The following UNC5C variants were observed in gnomAD, a reference collection of about 807,000 sequenced individuals.
UNC5C encodes unc-5 netrin receptor C.
Under a neutral mutation model 99.8 loss-of-function variants are expected in UNC5C, and 47 were observed. The observed-to-expected ratio is 0.47, with a 90% CI of 0.37 to 0.60. The LOEUF is 0.60. Among genes scored for constraint, UNC5C ranks in the 20% least tolerant of loss-of-function variants. The pLI, the probability that UNC5C is intolerant of heterozygous loss-of-function variation, is 0.00. For missense variants in UNC5C, 1,062 were observed against 1,165.9 expected (o/e 0.91, Z 1.30); for synonymous variants, 487 against 452.2 (o/e 1.08, Z -0.98).
chr4:95,180,662 C>CTCTG (rs1209260388), intron 14 of UNC5C, among the ~76,000 whole-genome samples: 1 of 152,206 alleles, frequency 6.6e-6, no homozygotes, highest in African/African-American at 2.4e-5. Context: ...GCAACAGGTC[C>CTCTG]TCTGTCTGAC....
chr4:95,487,497 A>C (rs17024049), intron 1 of UNC5C, among the ~76,000 whole-genome samples: 4,146 of 138,008 alleles, frequency 0.03, 186 homozygotes, highest in African/African-American at 0.1. Flanking sequence ...CTATAAAATC[A>C]TCAATCAAAA....
At chr4:95,324,799 G>A (rs1742828661) in intron 2 of UNC5C, among the ~76,000 whole-genome samples, 1 of 152,146 alleles carries the variant, frequency 6.6e-6, no homozygotes, top group African/African-American at 2.4e-5. Flanking sequence ...CCATCTAGAA[G>A]GAAGCAGGCC....
In UNC5C at chr4:95,393,863, T is replaced by A. The variant is rs866359440; in HGVS notation, c.125-58232A>T. On this transcript the variant is annotated intron_variant, in intron 1 of 15. Transcript: ENST00000453304. ...ATACAATCTACTGTTTTTTTTTTTT[T>A]AAAAAAAAACAGATTGCTATAAATC... Among the ~76,000 whole-genome samples the A allele has an allele frequency of 3.8e-3, 562 of 146,330 alleles. 3 individuals carry two copies. The highest frequency in any genetic ancestry group is 9.7e-3 in the African/African-American group (390 of 40,240).
intron 7 of UNC5C, among the ~76,000 whole-genome samples, chr4:95,233,648 AAGTT>A (rs760128550): frequency 6.6e-6 from 1 of 152,208 alleles, no homozygotes; most frequent in Non-Finnish European, 1.5e-5. Flanking sequence ...AAGATTATAA[AAGTT>A]AGGCCCCATG....
chr4:95,464,262 A>T (rs1351794271), intron 1 of UNC5C, among the ~76,000 whole-genome samples: 1 of 152,202 alleles, frequency 6.6e-6, no homozygotes, highest in Non-Finnish European at 1.5e-5. Context: ...GTGAAGGCTA[A>T]GTTGGCATGC....
At chr4:95,262,341 C>G (rs766358138) in intron 4 of UNC5C, among the ~76,000 whole-genome samples, 1 of 152,122 alleles carries the variant, frequency 6.6e-6, no homozygotes, top group East Asian at 1.9e-4. Flanking sequence ...GGAAGACGTG[C>G]AGAGTTGAGG....
At chr4:95,315,529 A>G (rs1258849339) in intron 2 of UNC5C, among the ~76,000 whole-genome samples, 1 of 152,184 alleles carries the variant, frequency 6.6e-6, no homozygotes, top group African/African-American at 2.4e-5. Context: ...AGCTTCAATC[A>G]TGTCTATTCA....
chr4:95,386,272 G>C (rs535767298), intron 1 of UNC5C, among the ~76,000 whole-genome samples: 15 of 151,942 alleles, frequency 9.9e-5, no homozygotes, highest in Non-Finnish European at 1.8e-4. Flanking sequence ...CATTGTGCAG[G>C]TTAGTTACTT....
intron 3 of UNC5C, among the ~76,000 whole-genome samples, chr4:95,297,485 G>A (rs945358097): frequency 1.3e-5 from 2 of 152,180 alleles, no homozygotes; most frequent in African/African-American, 4.8e-5. Flanking sequence ...TGCTAAGCAG[G>A]AGAGATATAA....
At chr4:95,501,003 ATAC>A (rs1268811025) in intron 1 of UNC5C, among the ~76,000 whole-genome samples, 11 of 152,138 alleles carry the variant, frequency 7.2e-5, no homozygotes, top group Admixed American at 2.6e-4. Context: ...TCTTAGAATA[ATAC>A]TACTCCCTGT....
intron 1 of UNC5C, among the ~76,000 whole-genome samples, chr4:95,351,032 A>G (rs989485011): frequency 4.6e-5 from 7 of 152,128 alleles, no homozygotes; most frequent in African/African-American, 1.7e-4. Context: ...TGGGGACTAG[A>G]GCCTGGCCAG....
At chr4:95,487,626 C>A (rs1259327901) in intron 1 of UNC5C, among the ~76,000 whole-genome samples, 1 of 151,650 alleles carries the variant, frequency 6.6e-6, no homozygotes, top group African/African-American at 2.4e-5. Context: ...AAAAGTTTTT[C>A]ATTTTGAGCA....
rs1737855301 is a variant in UNC5C at position 95,205,796 on chromosome 4, A to G, written c.1902+832T>C. Among the ~76,000 whole-genome samples the G allele has an allele frequency of 1.3e-5, 2 of 152,136 alleles. 1 individual carries two copies. The highest frequency in any genetic ancestry group is 4.1e-4 in the South Asian group (2 of 4,828). On this transcript the variant is annotated intron_variant, in intron 11 of 15. Coordinates refer to ENST00000453304, the MANE Select transcript of UNC5C (RefSeq NM_003728.4). Reference sequence around the variant, plus strand: ...CTTGTTTAAAGCATTGTCCTTAAGAAGTTCTGATGACAGCAGCTGCAGACA... The same window carrying G: ...CTTGTTTAAAGCATTGTCCTTAAGAGGTTCTGATGACAGCAGCTGCAGACA...
At chr4:95,201,891 A>G (rs934408991) in intron 12 of UNC5C, among the ~76,000 whole-genome samples, 14 of 152,152 alleles carry the variant, frequency 9.2e-5, no homozygotes, top group Non-Finnish European at 1.9e-4. Flanking sequence ...GGCGTGAGCC[A>G]CCACACCCGG....
intron 1 of UNC5C, among the ~76,000 whole-genome samples, chr4:95,400,671 G>A (rs1056763013): frequency 6.6e-6 from 1 of 152,092 alleles, no homozygotes; most frequent in East Asian, 1.9e-4. Context: ...GATTACAGGC[G>A]TGAGCCACCG....
chr4:95,270,546 C>T (rs1740619422), intron 4 of UNC5C, among the ~76,000 whole-genome samples: 1 of 152,218 alleles, frequency 6.6e-6, no homozygotes, highest in African/African-American at 2.4e-5. Context: ...GCTGGGGAAA[C>T]ACTCTCTTAA....
chr4:95,424,219 T>C (rs1482755519), intron 1 of UNC5C, among the ~76,000 whole-genome samples: 1 of 151,950 alleles, frequency 6.6e-6, no homozygotes, highest in Non-Finnish European at 1.5e-5. Flanking sequence ...AATAAAAAAA[T>C]AAACCGGAAT....
chr4:95,237,903 G>A (rs544573988), intron 7 of UNC5C, among the ~76,000 whole-genome samples: 118 of 152,234 alleles, frequency 7.8e-4, no homozygotes, highest in Non-Finnish European at 1.3e-3. Context: ...TTAGCTGGGT[G>A]TGGTGGTGTG....
chr4:95,440,976 G>T (rs958023409), intron 1 of UNC5C, among the ~76,000 whole-genome samples: 2 of 151,714 alleles, frequency 1.3e-5, no homozygotes, highest in Non-Finnish European at 2.9e-5. Flanking sequence ...AATCTGAAAG[G>T]ACTTCACAAA....
Sources: gnomAD v4.1 joint callset for allele counts (sites outside exome capture counted in the v4.1 genomes callset) on GRCh38, gnomAD v4.1.1 for gene constraint, MANE v1.5 for transcripts, NCBI Gene and HGNC (gene_info 2026-07-23, HGNC 2026-07-21) for gene names.